Variants in PCDH15 observed in about 807,000 individuals in gnomAD.
PCDH15 encodes the protein protocadherin related 15, also known as protocadherin-15.
Under a neutral mutation model 178.5 loss-of-function variants are expected in PCDH15, and 129 were observed. That is an observed-to-expected ratio of 0.72 (90% CI 0.63 to 0.84). The LOEUF (loss-of-function observed/expected upper bound fraction) is 0.84, where lower values mean the gene tolerates loss of function less well. PCDH15 is among the 40% of genes least tolerant of loss of function. PCDH15 has a pLI of 0.00. For missense variants in PCDH15, 2,230 were observed against 2,099.9 expected (o/e 1.06, Z -1.21); for synonymous variants, 800 against 732.0 (o/e 1.09, Z -1.50).
chr10:54,933,459 T>C (rs920456915), intron 2 of PCDH15, among the ~76,000 whole-genome samples: 6 of 152,148 alleles, frequency 3.9e-5, no homozygotes, highest in African/African-American at 1.4e-4. Context: ...GAAGTGTAGA[T>C]TAGAAAGATT....
At chr10:53,867,561 A>G (rs943055714) in intron 26 of PCDH15, among the ~76,000 whole-genome samples, 29 of 152,274 alleles carry the variant, frequency 1.9e-4, no homozygotes, top group African/African-American at 6.3e-4. Context: ...ATAGACACTA[A>G]CAGAGTCAAT....
At chr10:55,053,899 T>G (rs191430817) in intron 2 of PCDH15, among the ~76,000 whole-genome samples, 2 of 152,308 alleles carry the variant, frequency 1.3e-5, no homozygotes, top group African/African-American at 4.8e-5. Context: ...TTTACCTAGA[T>G]GTATTTTATT....
At chr10:55,597,174 G>C (rs1406299224) in intron 2 of PCDH15, 1 of 152,124 alleles carries the variant, frequency 6.6e-6, no homozygotes, top group African/African-American at 2.4e-5. Flanking sequence ...AATATTCTGA[G>C]TCAACATACC....
intron 37 of PCDH15, chr10:53,808,462 T>A (rs1478998723): frequency 1.5e-6 from 2 of 1,330,348 alleles, no homozygotes; most frequent in African/African-American, 1.5e-5. Flanking sequence ...TTGCATGTGT[T>A]CTGATTTACT....
chr10:55,616,487 T>C (rs961602095), intron 2 of PCDH15, among the ~76,000 whole-genome samples: 2 of 150,950 alleles, frequency 1.3e-5, no homozygotes, highest in Non-Finnish European at 2.9e-5. Context: ...TTTTTGAGTT[T>C]TCATTATTGT....
intron 6 of PCDH15, among the ~76,000 whole-genome samples, chr10:54,330,364 G>A (rs1420483107): frequency 6.6e-6 from 1 of 151,832 alleles, no homozygotes; most frequent in Non-Finnish European, 1.5e-5. Context: ...GCATGTCACT[G>A]TACTGAATGC....
chr10:53,843,064 C>T (rs889409544), intron 28 of PCDH15, among the ~76,000 whole-genome samples: 1 of 152,140 alleles, frequency 6.6e-6, no homozygotes, highest in African/African-American at 2.4e-5. Flanking sequence ...TAAAATATAA[C>T]TGTACCAATT....
intron 2 of PCDH15, among the ~76,000 whole-genome samples, chr10:55,618,248 T>A (rs1437772229): frequency 6.6e-6 from 1 of 152,094 alleles, no homozygotes; most frequent in Non-Finnish European, 1.5e-5. Context: ...TTAATTCAAC[T>A]AGTCATTCAC....
chr10:55,184,228 G>A (rs1839734342), intron 1 of PCDH15, among the ~76,000 whole-genome samples: 1 of 151,890 alleles, frequency 6.6e-6, no homozygotes, highest in Non-Finnish European at 1.5e-5. Flanking sequence ...AGCTGGTGAG[G>A]CTGGTGGAAC....
At chr10:54,111,627 C>T (rs1411458834) in intron 15 of PCDH15, among the ~76,000 whole-genome samples, 1 of 152,078 alleles carries the variant, frequency 6.6e-6, no homozygotes, top group African/African-American at 2.4e-5. Context: ...GATAGACTAA[C>T]AGAGAACATG....
chr10:53,871,055 C>T (rs1469968996), intron 26 of PCDH15, among the ~76,000 whole-genome samples: 2 of 151,750 alleles, frequency 1.3e-5, no homozygotes, highest in African/African-American at 4.8e-5. Context: ...AACTCAAGGC[C>T]GGGCGCGGTG....
In PCDH15 at chr10:54,308,430, G is replaced by C. The variant is rs6481085; in HGVS notation, c.876+8841C>G. Among the ~76,000 whole-genome samples the C allele has an allele frequency of 2.7e-3, 410 of 151,936 alleles. 1 individual carries two copies. The highest frequency in any genetic ancestry group is 9.3e-3 in the African/African-American group (387 of 41,444). On this transcript the variant is annotated intron_variant, in intron 8 of 37. Transcript: ENST00000644397. ...ACGAACTCAATTCCTCCTTTCGACT[G>C]TTTCTTTTTTTTGCCTCCTTAATAG...
chr10:55,223,259 A>G (rs1435899436), intron 1 of PCDH15, among the ~76,000 whole-genome samples: 3 of 152,168 alleles, frequency 2.0e-5, no homozygotes, highest in Non-Finnish European at 4.4e-5. Context: ...GCTATTGCCA[A>G]TAAGTTAAAA....
chr10:55,463,967 AAGAAAGAG>A lies in PCDH15; in HGVS notation c.-156+163650_-156+163657del, dbSNP rs1565165705. On this transcript the variant is annotated intron_variant, in intron 2 of 5. Coordinates refer to the PCDH15 transcript ENST00000613346. The stretch of plus-strand genomic sequence containing the variant: ...AAAGAAAGAAAGAAAGAAAGAAAGA[AAGAAAGAG>A]AAAGAAAGAAAGAAAGAGAAAGAAA... Among the ~76,000 whole-genome samples the A allele has an allele frequency of 1.7e-4, 8 of 47,196 alleles. 2 individuals carry two copies. Among genetic ancestry groups the A allele is most frequent in the African/African-American group, 1.1e-3 (7 of 6,366 alleles). The allele number at this position is 47,196 out of a possible 152,430, so 31.0% of individuals were successfully genotyped here.
intron 18 of PCDH15, among the ~76,000 whole-genome samples, chr10:54,033,366 A>G (rs892984891): frequency 6.6e-6 from 1 of 151,932 alleles, no homozygotes; most frequent in South Asian, 2.1e-4. Context: ...TGCTTTATAC[A>G]TAAGAAAAGT....
chr10:54,921,753 C>A (rs1591785165), intron 2 of PCDH15, among the ~76,000 whole-genome samples: 1 of 152,048 alleles, frequency 6.6e-6, no homozygotes, highest in South Asian at 2.1e-4. Context: ...CACTCTAGAA[C>A]TGGCATAAAA....
intron 3 of PCDH15, among the ~76,000 whole-genome samples, chr10:54,472,071 T>C (rs938495943): frequency 1.9e-4 from 29 of 152,256 alleles, no homozygotes; most frequent in Admixed American, 1.9e-3. Context: ...GTGGGCAACT[T>C]AGTAGGCTAT....
chr10:54,714,753 C>T (rs1333540313), intron 1 of PCDH15, among the ~76,000 whole-genome samples: 1 of 152,156 alleles, frequency 6.6e-6, no homozygotes, highest in Non-Finnish European at 1.5e-5. Context: ...TATTTTCAAA[C>T]TTCACAGGAC....
intron 2 of PCDH15, among the ~76,000 whole-genome samples, chr10:55,516,654 A>G (rs977292829): frequency 6.6e-6 from 1 of 152,130 alleles, no homozygotes; most frequent in African/African-American, 2.4e-5. Flanking sequence ...TCTTCTCCAT[A>G]AATTTTAGAA....
Sources: allele counts gnomAD v4.1 joint callset (sites outside exome capture counted in the v4.1 genomes callset), GRCh38; gene constraint gnomAD v4.1.1; transcripts MANE v1.5; gene names NCBI Gene and HGNC (gene_info 2026-07-23, HGNC 2026-07-21).